FANK1: variants seen among roughly 807,000 people sequenced by gnomAD.
FANK1 encodes fibronectin type 3 and ankyrin repeat domains protein 1.
Under a neutral mutation model 45.3 loss-of-function variants are expected in FANK1, and 44 were observed. The observed-to-expected ratio is 0.97, with a 90% CI of 0.76 to 1.25. The LOEUF is 1.25. FANK1 is among the 50% of genes most tolerant of loss of function. The pLI is 0.00. For synonymous variants in FANK1, 149 were observed against 152.5 expected, an observed-to-expected ratio of 0.98 and a Z score of 0.17; for missense variants, 391 against 424.4, an observed-to-expected ratio of 0.92 and a Z score of 0.69.
chr10:125,945,663 G>C (rs551191813), intron 1 of FANK1, among the ~76,000 whole-genome samples: 5 of 152,328 alleles, frequency 3.3e-5, no homozygotes, highest in East Asian at 3.9e-4. Flanking sequence ...AGGCGGCAGC[G>C]AGGCTGGGGG....
At chr10:125,932,615 G>A (rs1223330919) in intron 1 of FANK1, among the ~76,000 whole-genome samples, 20 of 152,140 alleles carry the variant, frequency 1.3e-4, no homozygotes, top group Non-Finnish European at 2.9e-4. Flanking sequence ...GAGCTTTCTG[G>A]AGGAGCCTTT....
At chr10:125,925,410 T>C (rs1947278751) in intron 1 of FANK1, among the ~76,000 whole-genome samples, 1 of 152,208 alleles carries the variant, frequency 6.6e-6, no homozygotes, top group African/African-American at 2.4e-5. Context: ...TTCACGTGTA[T>C]GTGTGTATTT....
Position 125,983,881 on chromosome 10 carries a change from T to G in FANK1, c.191+3543T>G, listed in dbSNP as rs1200652257. On this transcript the variant is annotated intron_variant, in intron 2 of 10. Transcript: ENST00000368693. The surrounding 1 kb of genome is among the most constrained non-coding windows in gnomAD (Gnocchi z 4.3). ...TACGAGGATCCCTCTGGCTGCTGAG[T>G]TGGGAACAGGCTGTAGGGAGGCCAG... 6.6e-6 allele frequency among the ~76,000 whole-genome samples: 1 copy of G among 151,558 alleles called. No homozygotes were observed. The highest frequency in any genetic ancestry group is 1.5e-5 in the Non-Finnish European group (1 of 67,852).
chr10:125,969,041 C>T (rs111700292), intron 1 of FANK1, among the ~76,000 whole-genome samples: 1 of 152,172 alleles, frequency 6.6e-6, no homozygotes, highest in Non-Finnish European at 1.5e-5. Flanking sequence ...GTACGTAACA[C>T]ATCCATAAAT....
Position 125,994,801 on chromosome 10 carries a change from C to T in FANK1, c.317-616C>T, listed in dbSNP as rs534494060. 43 of 985,292 alleles carry T rather than the reference C, an allele frequency of 4.4e-5. 1 individual carries two copies. The East Asian group carries it at 2.2e-3, about 49-fold the overall frequency. The allele number at this position is 985,292 out of a possible 1,614,324, so 61.0% of individuals were successfully genotyped here. A position where few individuals can be genotyped will look rare whatever the true frequency, so the allele number is the denominator to read the frequency against. ...CCTGTACAAAGGATGCCCTCCTCCC[C>T]GGCTGTGGCCCATTGTTCTTTTAGG... is the stretch of plus-strand genomic sequence containing the variant. On this transcript the variant is annotated intron_variant, in intron 3 of 10. Transcript: ENST00000368693.
intron 1 of FANK1, among the ~76,000 whole-genome samples, chr10:125,917,818 C>T (rs1946565474): frequency 6.6e-6 from 1 of 152,426 alleles, no homozygotes; most frequent in Admixed American, 6.5e-5. Flanking sequence ...CTCAGTGGCT[C>T]ATTCCTGTAA....
chr10:125,902,251 T>TA (rs1409108964), intron 1 of FANK1, among the ~76,000 whole-genome samples: 1 of 146,146 alleles, frequency 6.8e-6, no homozygotes, highest in Non-Finnish European at 1.5e-5. Context: ...CCCTAAAACT[T>TA]AAAGTATAAT....
intron 1 of FANK1, among the ~76,000 whole-genome samples, chr10:125,897,832 T>G (rs939742291): frequency 3.3e-5 from 5 of 151,932 alleles, no homozygotes; most frequent in Non-Finnish European, 5.9e-5. Flanking sequence ...TATTCCCGCC[T>G]TAGAGAAGTG....
At chr10:125,935,811 A>C (rs200697575) in intron 1 of FANK1, among the ~76,000 whole-genome samples, 2 of 152,202 alleles carry the variant, frequency 1.3e-5, no homozygotes, top group African/African-American at 2.4e-5. Flanking sequence ...CAGTGGCTGG[A>C]ATAGAAAGAT....
intron 2 of FANK1, among the ~76,000 whole-genome samples, chr10:125,984,230 C>T (rs1415762978): frequency 3.3e-5 from 5 of 152,192 alleles, no homozygotes; most frequent in African/African-American, 1.2e-4. Flanking sequence ...GTCCTCCTGC[C>T]ACAGCCCAGG....
In FANK1 at chr10:126,001,013, C is replaced by T. The variant is rs565976880; in HGVS notation, c.539+3528C>T. Among the ~76,000 whole-genome samples the T allele has an allele frequency of 3.0e-4, 46 of 152,296 alleles. 1 individual carries two copies. Among genetic ancestry groups the T allele is most frequent in the African/African-American group, 1.1e-3 (44 of 41,554 alleles). On this transcript the variant is annotated intron_variant, in intron 6 of 10. Coordinates refer to ENST00000368693, the MANE Select transcript of FANK1 (RefSeq NM_145235.5). ...TAAAGATGCAGTGAAATAACCTGTA[C>T]TTTCAAATATAGTTGATAGAAATGT...
At chr10:125,982,311 C>T (rs530152470) in intron 2 of FANK1, among the ~76,000 whole-genome samples, 1 of 152,314 alleles carries the variant, frequency 6.6e-6, no homozygotes, top group East Asian at 1.9e-4. Context: ...GTGCTGGCTT[C>T]CAGCCTGAGG....
chr10:125,967,677 C>T (rs1950266546), intron 1 of FANK1, among the ~76,000 whole-genome samples: 2 of 152,274 alleles, frequency 1.3e-5, no homozygotes, highest in African/African-American at 4.8e-5. Flanking sequence ...AATCATAGCT[C>T]ACTGCAGCCT....
intron 1 of FANK1, among the ~76,000 whole-genome samples, chr10:125,952,200 A>T (rs1295714742): frequency 2.1e-5 from 3 of 145,472 alleles, no homozygotes; most frequent in East Asian, 2.1e-4. Flanking sequence ...GATTTGCTTT[A>T]AAAAAAAAAG....
chr10:125,970,361 G>T (rs1393292068), intron 1 of FANK1, among the ~76,000 whole-genome samples: 5 of 152,044 alleles, frequency 3.3e-5, no homozygotes, highest in Non-Finnish European at 7.4e-5. Flanking sequence ...CGGCCGGGCA[G>T]AGGCGCTCCC....
At chr10:125,931,695 A>G (rs1051047534) in intron 1 of FANK1, among the ~76,000 whole-genome samples, 17 of 152,304 alleles carry the variant, frequency 1.1e-4, no homozygotes, top group African/African-American at 3.8e-4. Flanking sequence ...TTTGCCATGC[A>G]AAAGCTCATT....
chr10:125,996,090 C>CTGGAGTATGTGCG (rs1206080205), intron 4 of FANK1, among the ~76,000 whole-genome samples: 1 of 152,228 alleles, frequency 6.6e-6, no homozygotes, highest in Non-Finnish European at 1.5e-5. Context: ...AGCTGCTACG[C>CTGGAGTATGTGCG]TGGAGTATGT....
At chr10:125,966,511 G>C (rs1448194984) in intron 1 of FANK1, among the ~76,000 whole-genome samples, 1 of 152,082 alleles carries the variant, frequency 6.6e-6, no homozygotes, top group Non-Finnish European at 1.5e-5. Flanking sequence ...CTTCCCTCTT[G>C]GTCATCTTGG....
chr10:125,942,958 C>T (rs537283934), intron 1 of FANK1, among the ~76,000 whole-genome samples: 9 of 151,946 alleles, frequency 5.9e-5, no homozygotes, highest in African/African-American at 9.7e-5. Flanking sequence ...GGATTACAAG[C>T]GTGTGCCACC....
Sources: gnomAD v4.1 joint callset for allele counts (sites outside exome capture counted in the v4.1 genomes callset) on GRCh38, gnomAD v4.1.1 for gene constraint, Gnocchi (gnomAD v3.1) non-coding constraint, MANE v1.5 for transcripts, NCBI Gene and HGNC (gene_info 2026-07-23, HGNC 2026-07-21) for gene names.